The following MORN3 variants were observed in gnomAD, a reference collection of about 807,000 sequenced individuals.
MORN3 encodes the protein MORN repeat-containing protein 3.
MORN3 carries 38 observed loss-of-function variants against 34.7 expected under a neutral mutation model. That is an observed-to-expected ratio of 1.10 (90% CI 0.85 to 1.44). MORN3 has a LOEUF of 1.44. MORN3 is among the 40% of genes most tolerant of loss of function. MORN3 has a pLI of 0.00. For missense variants in MORN3, 311 were observed against 321.7 expected (o/e 0.97, Z 0.25); for synonymous variants, 109 against 115.3 (o/e 0.95, Z 0.35).
intron 1 of MORN3, among the ~76,000 whole-genome samples, 168 bp from the exon 2 acceptor site, chr12:121,659,516 A>ATTTCTTTCTTTC (rs539023370): frequency 2.3e-4 from 35 of 149,702 alleles, no homozygotes; most frequent in African/African-American, 7.1e-4. Context: ...GGAAAGTTCC[A>ATTTCTTTCTTTC]TTTCTTTCTT....
chr12:121,667,689 T>A (rs1216413228), intron 1 of MORN3, among the ~76,000 whole-genome samples: 1 of 151,218 alleles, frequency 6.6e-6, no homozygotes, highest in Non-Finnish European at 1.5e-5. Flanking sequence ...CCTGCAAACA[T>A]CCACTCAGTT....
At chr12:121,660,261 TCAAACAAA>T (rs113332479) in intron 1 of MORN3, among the ~76,000 whole-genome samples, 1 of 149,820 alleles carries the variant, frequency 6.7e-6, no homozygotes, top group Non-Finnish European at 1.5e-5. Flanking sequence ...CATCTCAAAA[TCAAACAAA>T]CAAACAAACA....
chr12:121,659,445 C>G, intron 1 of MORN3, 97 bp from the exon 2 acceptor site: 1 of 1,287,022 alleles, frequency 7.8e-7, no homozygotes, highest in South Asian at 1.3e-5. Context: ...CTAGACGAAT[C>G]TAGAGAGCTG....
intron 4 of MORN3, 129 bp from the exon 5 acceptor site, chr12:121,652,937 C>T: frequency 7.0e-7 from 1 of 1,424,416 alleles, no homozygotes; most frequent in Non-Finnish European, 9.7e-7. Flanking sequence ...CTAGGGATGC[C>T]CTGACTGAAA....
intron 1 of MORN3, among the ~76,000 whole-genome samples, 176 bp from the exon 2 acceptor site, chr12:121,659,524 C>G (rs571056108): frequency 6.0e-5 from 9 of 149,288 alleles, no homozygotes; most frequent in Non-Finnish European, 1.3e-4. Context: ...CCATTTCTTT[C>G]TTTCTTTCTT....
chr12:121,661,589 TG>T (rs951552359), intron 1 of MORN3, among the ~76,000 whole-genome samples: 1 of 151,882 alleles, frequency 6.6e-6, no homozygotes, highest in Admixed American at 6.6e-5. Flanking sequence ...GAATATCTTA[TG>T]GGGGGGCTGG....
At chr12:121,665,375 C>G (rs1893719421) in intron 1 of MORN3, among the ~76,000 whole-genome samples, 1 of 141,762 alleles carries the variant, frequency 7.1e-6, no homozygotes, top group South Asian at 2.4e-4. Flanking sequence ...ACTGCAAGCT[C>G]CGCCTCCCAG....
rs1039745985 is a variant in MORN3, at chr12:121,649,911, C to T, written c.*1740G>A. On this transcript the variant is annotated 3_prime_UTR_variant, in exon 6 of 6. Coordinates refer to ENST00000355329, the MANE Select transcript of MORN3 (RefSeq NM_173855.5). Reference sequence around the variant, plus strand: ...ATGGTGATATTGCACTATGCTTAACCGCATCCCTGGTCTCTACTCACTCAA... The same window carrying T: ...ATGGTGATATTGCACTATGCTTAACTGCATCCCTGGTCTCTACTCACTCAA... 2.0e-5 allele frequency: 3 copies of T among 146,972 alleles called. No individual in the cohort carries two copies. The highest frequency in any genetic ancestry group is 3.0e-5 in the Non-Finnish European group (2 of 67,460). The allele number at this position is 146,972 out of a possible 1,614,324, so 9.1% of individuals were successfully genotyped here.
At chr12:121,665,283 T>A (rs1333646754) in intron 1 of MORN3, among the ~76,000 whole-genome samples, 1 of 92,116 alleles carries the variant, frequency 1.1e-5, no homozygotes, top group East Asian at 3.0e-4. Context: ...CTTTCCTTTT[T>A]TTTTTTTTTT....
chr12:121,652,058 C>A (rs1481745964), intron 5 of MORN3, among the ~76,000 whole-genome samples: 1 of 151,862 alleles, frequency 6.6e-6, no homozygotes, highest in African/African-American at 2.4e-5. Context: ...GCCTCAGCCT[C>A]CTGAGTAGCT....
upstream of MORN3, among the ~76,000 whole-genome samples, chr12:121,671,293 G>C (rs1490188777): frequency 1.3e-5 from 2 of 150,894 alleles, no homozygotes; most frequent in East Asian, 3.9e-4. Context: ...TGTAGTCCCA[G>C]CTACTCGGGA....
upstream of MORN3, chr12:121,672,601 C>A (rs980208730): frequency 1.3e-5 from 2 of 152,498 alleles, no homozygotes; most frequent in Admixed American, 6.5e-5. Flanking sequence ...AGCATCCAGC[C>A]TCAATGTCCG....
At chr12:121,660,647 C>G (rs1416251170) in intron 1 of MORN3, among the ~76,000 whole-genome samples, 2 of 141,206 alleles carry the variant, frequency 1.4e-5, no homozygotes, top group Non-Finnish European at 3.1e-5. Flanking sequence ...CCGCACCCGG[C>G]CTTTTTTTTT....
At chr12:121,668,646 C>T (rs1489427789) in intron 1 of MORN3, among the ~76,000 whole-genome samples, 2 of 151,924 alleles carry the variant, frequency 1.3e-5, no homozygotes, top group South Asian at 2.1e-4. Context: ...CCCAGGATCT[C>T]GAGGCTGCAG....
intron 1 of MORN3, among the ~76,000 whole-genome samples, chr12:121,664,580 G>A (rs1893683302): frequency 6.6e-6 from 1 of 152,170 alleles, no homozygotes; most frequent in South Asian, 2.1e-4. Flanking sequence ...CCAACATGGC[G>A]AAATCTCGTC....
intron 1 of MORN3, 78 bp downstream of exon 1, chr12:121,669,261 T>C (rs1045851512): frequency 2.1e-5 from 33 of 1,577,602 alleles, no homozygotes; most frequent in Non-Finnish European, 2.9e-5. Flanking sequence ...CAGTGAGCTC[T>C]GCACTCTGCC....
chr12:121,669,400 G>C lies in MORN3; in HGVS notation c.84C>G (p.Ser28Arg), dbSNP rs149649856. The change falls in exon 1 of 6, where the codon AGC (serine) becomes AGG (arginine). Residue 28 changes from serine (S) to arginine (R), a missense_variant. Coordinates refer to ENST00000355329, the MANE Select transcript of MORN3 (RefSeq NM_173855.5). ...AGTCGCCATTCACAGCGTATACCTGGCTCCGCAGGCCGTTCCTCTGGGCCT... is the reference window on the plus strand; with the variant it reads ...AGTCGCCATTCACAGCGTATACCTGCCTCCGCAGGCCGTTCCTCTGGGCCT... The part of the protein sequence containing the change: ...DRKAQRNGLR[S>R]QVYAVNGDYY... 2,214 of 1,614,074 alleles carry C rather than the reference G, an allele frequency of 1.4e-3. 1 individual carries two copies. Among genetic ancestry groups the C allele is most frequent in the Non-Finnish European group, 1.8e-3 (2,104 of 1,179,968 alleles).
intron 1 of MORN3, among the ~76,000 whole-genome samples, chr12:121,660,978 C>CT (rs974302175): frequency 2.0e-5 from 3 of 151,600 alleles, no homozygotes; most frequent in Non-Finnish European, 4.4e-5. Flanking sequence ...CTTTTTCTTT[C>CT]TTTTTTTTAG....
chr12:121,655,616 C>T (rs895928072), intron 2 of MORN3, among the ~76,000 whole-genome samples: 3 of 152,108 alleles, frequency 2.0e-5, no homozygotes, highest in South Asian at 2.1e-4. Flanking sequence ...GAGGCTGAGG[C>T]AGAAGAATTG....
Sources: gnomAD v4.1 joint callset for allele counts (sites outside exome capture counted in the v4.1 genomes callset) on GRCh38, gnomAD v4.1.1 for gene constraint, MANE v1.5 for transcripts, NCBI Gene and HGNC (gene_info 2026-07-23, HGNC 2026-07-21) for gene names.